NTRK1: variants seen among roughly 807,000 people sequenced by gnomAD.
NTRK1 encodes the protein high affinity nerve growth factor receptor.
In NTRK1, 62 loss-of-function variants were observed where a neutral mutation model predicts 86.8. The observed-to-expected ratio is 0.71, with a 90% CI of 0.58 to 0.88. The LOEUF (loss-of-function observed/expected upper bound fraction) is 0.88. Ranked by LOEUF, NTRK1 falls within the 40% of genes least tolerant of loss-of-function variation. The pLI, the probability that NTRK1 is intolerant of heterozygous loss-of-function variation, is 0.00. For synonymous variants in NTRK1, 469 were observed against 456.6 expected, an observed-to-expected ratio of 1.03 and a Z score of -0.35; for missense variants, 967 against 1,078.4, an observed-to-expected ratio of 0.90 and a Z score of 1.45.
Position 156,880,017 on chromosome 1 carries a change from C to T in NTRK1, c.2065C>T (p.Leu689=), listed in dbSNP as rs2102927120. The change falls in exon 16 of 17, where the codon CTG becomes TTG. Residue 689 remains leucine, a synonymous_variant. Coordinates refer to ENST00000524377, the MANE Select transcript of NTRK1 (RefSeq NM_002529.4). ...GTGGCAGGTGGGAGGCCGCACCATG[C>T]TGCCCATTCGCTGGATGCCGCCCGA... is the stretch of plus-strand genomic sequence containing the variant. The part of the protein sequence containing the change: ...DYYRVGGRTM[L]PIRWMPPESI... 3 of 1,613,402 alleles carry T rather than the reference C, an allele frequency of 1.9e-6. No individual in the cohort carries two copies. Among genetic ancestry groups the T allele is most frequent in the Non-Finnish European group, 1.7e-6 (2 of 1,180,010 alleles).
chr1:156,815,999 C>T, intron 1 of NTRK1: 3 of 1,613,392 alleles, frequency 1.9e-6, no homozygotes, highest in Non-Finnish European at 2.5e-6. Flanking sequence ...CCCAGGTTTC[C>T]ACTCACCGCA....
chr1:156,861,122 C>T lies in NTRK1; in HGVS notation c.188C>T (p.Pro63Leu). 1 of 1,581,484 alleles carries T rather than the reference C, an allele frequency of 6.3e-7. No homozygotes were observed. The change falls in exon 1 of 17, where the codon CCC (proline) becomes CTC (leucine). Residue 63 changes from proline to leucine, a missense_variant. This residue lies in a region of NTRK1 where 330 missense variants were observed against 302.0 expected (regional missense o/e 1.09). Coordinates refer to ENST00000524377, the MANE Select transcript of NTRK1 (RefSeq NM_002529.4). The part of the protein sequence containing the change: ...DGALDSLHHL[P>L]GAENLTELYI... ...GCCCTGGATAGCCTCCACCACCTGC[C>T]CGGCGCAGAGAACCTGACTGAGCTG...
At chr1:156,836,584 C>T (rs1654604059) in intron 1 of NTRK1, among the ~76,000 whole-genome samples, 1 of 152,134 alleles carries the variant, frequency 6.6e-6, no homozygotes, top group South Asian at 2.1e-4. Flanking sequence ...CCTATCTTCA[C>T]CCTGTGAGTG....
chr1:156,865,754 C>T (rs1655900897), intron 3 of NTRK1, among the ~76,000 whole-genome samples: 1 of 152,194 alleles, frequency 6.6e-6, no homozygotes, highest in African/African-American at 2.4e-5. Flanking sequence ...CAGCCCCTCC[C>T]TGGCCTTCTG....
intron 2 of NTRK1, chr1:156,851,816 C>A (rs184005539): frequency 1.3e-6 from 2 of 1,594,690 alleles, no homozygotes; most frequent in African/African-American, 2.7e-5. Context: ...ATGTCCTGAG[C>A]CTTGGACCAG....
In NTRK1 at chr1:156,881,480, A is replaced by C. The variant is rs756505247; in HGVS notation, c.2229A>C (p.Gly743=). ...AGGCAATCGACTGCATCACGCAGGG[A>C]CGTGAGTTGGAGCGGCCACGTGCCT... The part of the protein sequence containing the change: ...NTEAIDCITQ[G]RELERPRACP... The change falls in exon 17 of 17, where the codon GGA becomes GGC. Residue 743 remains glycine, a synonymous_variant. Transcript: ENST00000524377. 62 of 1,580,850 alleles carry C rather than the reference A, an allele frequency of 3.9e-5. No homozygotes were observed. In the Middle Eastern group the frequency reaches 6.6e-4, roughly 17 times the overall value.
chr1:156,855,176 T>TTATCTATCTATCGATC (rs1655363812), intron 2 of NTRK1, among the ~76,000 whole-genome samples: 1 of 143,462 alleles, frequency 7.0e-6, no homozygotes, highest in South Asian at 2.4e-4. Context: ...CCATCCAATT[T>TTATCTATCTATCGATC]TATCTATCTA....
chr1:156,856,075 A>G (rs544971547), upstream of NTRK1, among the ~76,000 whole-genome samples: 45 of 152,128 alleles, frequency 3.0e-4, 1 homozygote, highest in South Asian at 9.3e-3. Flanking sequence ...TCCCAAAGTG[A>G]TGGGATTACA....
At chr1:156,855,288 C>A (rs1227418179) in intron 2 of NTRK1, among the ~76,000 whole-genome samples, 1 of 152,070 alleles carries the variant, frequency 6.6e-6, no homozygotes, top group Non-Finnish European at 1.5e-5. Context: ...ACTGCAGCCT[C>A]CATCTCCTGA....
chr1:156,870,102 A>G (rs1647467470), intron 6 of NTRK1, among the ~76,000 whole-genome samples: 1 of 152,348 alleles, frequency 6.6e-6, no homozygotes, highest in South Asian at 2.1e-4. Flanking sequence ...AGCTGCCTAG[A>G]GTGAGTAAAA....
At position 156,880,100 on chromosome 1, in the gene NTRK1, G is replaced by A. The variant is rs952114259; in HGVS notation, c.2148G>A (p.Val716=). The stretch of plus-strand genomic sequence containing the variant: ...GCGACGTGTGGAGCTTCGGCGTGGT[G>A]CTCTGGGAGATCTTCACCTACGGCA... ...TESDVWSFGV[V]LWEIFTYGKQ... is the part of the protein sequence containing the mutation. The change falls in exon 16 of 17, where the codon GTG becomes GTA. Residue 716 remains valine (V), a synonymous_variant. Coordinates refer to ENST00000524377, the MANE Select transcript of NTRK1 (RefSeq NM_002529.4). 6 of 1,612,682 alleles carry A rather than the reference G, an allele frequency of 3.7e-6. No homozygotes were observed. The highest frequency in any genetic ancestry group is 5.1e-6 in the Non-Finnish European group (6 of 1,179,824).
chr1:156,877,389 G>A (rs1397681019), intron 14 of NTRK1, among the ~76,000 whole-genome samples: 3 of 152,200 alleles, frequency 2.0e-5, no homozygotes, highest in African/African-American at 4.8e-5. Context: ...TAATAACTTC[G>A]AGAAATGTGC....
At chr1:156,867,863 C>T (rs559045382) in intron 4 of NTRK1, among the ~76,000 whole-genome samples, 26 of 149,678 alleles carry the variant, frequency 1.7e-4, no homozygotes, top group African/African-American at 3.9e-4. Context: ...TTAGTAGAGA[C>T]GGGGTTTCAC....
intron 1 of NTRK1, among the ~76,000 whole-genome samples, chr1:156,822,100 T>G (rs923075341): frequency 9.2e-5 from 14 of 152,228 alleles, no homozygotes; most frequent in Middle Eastern, 3.4e-3. Context: ...AGGCAGCCCT[T>G]TTGGAAATAA....
chr1:156,841,157 C>G, intron 1 of NTRK1: 11 of 1,369,256 alleles, frequency 8.0e-6, no homozygotes, highest in Non-Finnish European at 1.1e-5. Flanking sequence ...CTGCCACGCT[C>G]TCAGCCTCCT....
intron 6 of NTRK1, among the ~76,000 whole-genome samples, chr1:156,868,926 T>A (rs138486329): frequency 1.3e-5 from 2 of 152,226 alleles, no homozygotes; most frequent in Non-Finnish European, 2.9e-5. Context: ...GAACATGGTG[T>A]TGGCTGCAAG....
intron 1 of NTRK1, among the ~76,000 whole-genome samples, chr1:156,830,550 C>CTTTTTT (rs5778003): frequency 3.8e-5 from 4 of 105,408 alleles, no homozygotes; most frequent in African/African-American, 1.2e-4. Context: ...TTGTGGGATT[C>CTTTTTT]TTTTTTTTTT....
At chr1:156,820,092 T>A (rs1654142741) in intron 1 of NTRK1, among the ~76,000 whole-genome samples, 1 of 152,218 alleles carries the variant, frequency 6.6e-6, no homozygotes, top group African/African-American at 2.4e-5. Flanking sequence ...TCTTCTAGAA[T>A]TTTTATGGTT....
intron 6 of NTRK1, 23 bp downstream of exon 6, chr1:156,868,670 C>T (rs1647332836): frequency 3.2e-6 from 5 of 1,549,424 alleles, no homozygotes; most frequent in Non-Finnish European, 3.5e-6. Context: ...TCGCTGGCAG[C>T]CCCCAAGAGG....
Sources: allele counts gnomAD v4.1 joint callset (sites outside exome capture counted in the v4.1 genomes callset), GRCh38; gene constraint gnomAD v4.1.1; regional missense constraint gnomAD v4.1.1; transcripts MANE v1.5; gene names NCBI Gene and HGNC (gene_info 2026-07-23, HGNC 2026-07-21).